The following SGF29 variants were observed in gnomAD, a reference collection of about 807,000 sequenced individuals.
SGF29 encodes SAGA-associated factor 29.
In SGF29, 15 loss-of-function variants were observed where a neutral mutation model predicts 38.1. That is an observed-to-expected ratio of 0.39 (90% confidence interval 0.26 to 0.61). The LOEUF (loss-of-function observed/expected upper bound fraction) is 0.61. Ranked by LOEUF, SGF29 falls within the 20% of genes least tolerant of loss-of-function variation. The pLI is 0.49. For synonymous variants in SGF29, 151 were observed against 160.8 expected (o/e 0.94, Z 0.46); for missense variants, 184 against 394.6 (o/e 0.47, Z 4.52).
chr16:28,554,655 C>T (rs193624), intron 1 of SGF29, among the ~76,000 whole-genome samples: 3 of 152,196 alleles, frequency 2.0e-5, no homozygotes, highest in Non-Finnish European at 2.9e-5. Context: ...CCTTCACCCT[C>T]GCTATCCTCC....
At chr16:28,579,673 G>A (rs920049227) in intron 1 of SGF29, among the ~76,000 whole-genome samples, 2 of 150,192 alleles carry the variant, frequency 1.3e-5, no homozygotes, top group African/African-American at 4.9e-5. Flanking sequence ...GCTCACGCCT[G>A]TAATCCCAGC....
intron 1 of SGF29, among the ~76,000 whole-genome samples, chr16:28,567,874 A>G (rs923696252): frequency 2.0e-5 from 3 of 152,100 alleles, no homozygotes; most frequent in Non-Finnish European, 2.9e-5. Context: ...GCCTAGGCAA[A>G]ATTAATGTAG....
intron 2 of SGF29, among the ~76,000 whole-genome samples, chr16:28,581,570 G>A (rs1383500420): frequency 6.6e-6 from 1 of 151,746 alleles, no homozygotes; most frequent in Admixed American, 6.6e-5. Context: ...GAGTCTCACT[G>A]TGTCACCTAG....
intron 2 of SGF29, 93 bp from the exon 3 acceptor site, chr16:28,584,820 C>T (rs866247985): frequency 3.4e-5 from 25 of 744,938 alleles, no homozygotes; most frequent in Middle Eastern, 3.8e-4. Context: ...AAATGAGGGC[C>T]GTATTTTGGG....
chr16:28,590,587 T>C lies in SGF29; in HGVS notation c.567-44T>C. The C allele has an allele frequency of 6.2e-7, 1 of 1,612,872 alleles. No individual in the cohort carries two copies. The highest frequency in any genetic ancestry group is 8.5e-7 in the Non-Finnish European group (1 of 1,179,826). Reference sequence around the variant, plus strand: ...CCCATCCTCACTCCCCAACAGGTACTGCGCCCCTGGCTGCATCCAGCCTTT... The same window carrying C: ...CCCATCCTCACTCCCCAACAGGTACCGCGCCCCTGGCTGCATCCAGCCTTT... On this transcript the variant is annotated intron_variant, in intron 7 of 9. Transcript: ENST00000317058. The surrounding 1 kb of genome is among the most constrained non-coding windows in gnomAD (Gnocchi z 8.2).
intron 4 of SGF29, 64 bp downstream of exon 4, chr16:28,585,784 A>G (rs2046953427): frequency 2.7e-6 from 4 of 1,470,900 alleles, no homozygotes; most frequent in Non-Finnish European, 3.8e-6. Context: ...CTGCAGGTCC[A>G]TTTGGACCAA....
At chr16:28,578,184 T>C (rs577077203) in intron 1 of SGF29, among the ~76,000 whole-genome samples, 3 of 151,744 alleles carry the variant, frequency 2.0e-5, no homozygotes, top group East Asian at 3.9e-4. Flanking sequence ...TGATCTCGTA[T>C]CCTGCAACTT....
intron 1 of SGF29, among the ~76,000 whole-genome samples, chr16:28,563,848 G>A (rs530784586): frequency 6.6e-6 from 1 of 151,598 alleles, no homozygotes; most frequent in East Asian, 1.9e-4. Flanking sequence ...AGCCTCCTGA[G>A]TAGCTGGGAC....
chr16:28,564,553 A>ATATATATATACGTATATATATATACG (rs770445898), intron 1 of SGF29, among the ~76,000 whole-genome samples: 2 of 108,728 alleles, frequency 1.8e-5, no homozygotes, highest in Non-Finnish European at 1.8e-5. Flanking sequence ...ATATATACGT[A>ATATATATATACGTATATATATATACG]TATATATATA....
chr16:28,572,871 C>T (rs912241247), intron 1 of SGF29, among the ~76,000 whole-genome samples: 13 of 152,064 alleles, frequency 8.5e-5, no homozygotes, highest in African/African-American at 3.1e-4. Context: ...TCCCTGGCTT[C>T]TCAGCATGAA....
In SGF29 at chr16:28,585,949, G is replaced by A. The variant is rs928830177; in HGVS notation, c.224+229G>A. ...AGGTGGCAAGGCGTGAGTCAACACT[G>A]CCGTTTACTGGCTCTATGACCTTGG... On this transcript the variant is annotated intron_variant, in intron 4 of 9. Transcript: ENST00000317058. Among the ~76,000 whole-genome samples, 9 of 152,360 alleles carry A rather than the reference G, an allele frequency of 5.9e-5. 1 individual carries two copies. Among genetic ancestry groups the A allele is most frequent in the South Asian group, 4.1e-4 (2 of 4,828 alleles).
chr16:28,589,961 C>T (rs934586935), intron 5 of SGF29, 135 bp from the exon 6 acceptor site: 2 of 1,275,602 alleles, frequency 1.6e-6, no homozygotes, highest in African/African-American at 3.0e-5. Flanking sequence ...GATGGGGTCA[C>T]AGTCCTGCTG....
Position 28,571,817 on chromosome 16 carries a change from T to C in SGF29, c.-15-9238T>C, listed in dbSNP as rs149632293. On this transcript the variant is annotated intron_variant, in intron 1 of 9. Transcript: ENST00000317058. ...AGGAGAGAGCTGGGGTGTGAAGTAGTGAAAATTAGAAAAGTGCCTGCTAAG... is the reference window on the plus strand; with the variant it reads ...AGGAGAGAGCTGGGGTGTGAAGTAGCGAAAATTAGAAAAGTGCCTGCTAAG... Among the ~76,000 whole-genome samples the C allele has an allele frequency of 4.4e-4, 67 of 152,136 alleles. No homozygotes were observed. The East Asian group carries it at 0.013, about 29-fold the overall frequency.
chr16:28,564,476 T>G (rs1318475082), intron 1 of SGF29, among the ~76,000 whole-genome samples: 1 of 146,876 alleles, frequency 6.8e-6, no homozygotes, highest in African/African-American at 2.5e-5. Context: ...CCTGGTGTGT[T>G]AGCGTTCTCC....
chr16:28,555,496 G>A (rs1022403252), intron 1 of SGF29, among the ~76,000 whole-genome samples: 1 of 152,098 alleles, frequency 6.6e-6, no homozygotes, highest in Non-Finnish European at 1.5e-5. Flanking sequence ...TCTAGAGGTG[G>A]AAGAAAATCC....
chr16:28,572,116 A>C (rs1183400224), intron 1 of SGF29, among the ~76,000 whole-genome samples: 1 of 151,078 alleles, frequency 6.6e-6, no homozygotes, highest in Non-Finnish European at 1.5e-5. Context: ...AGCTGGGACC[A>C]CAGGCACCCA....
intron 1 of SGF29, among the ~76,000 whole-genome samples, chr16:28,577,187 A>G (rs2046899453): frequency 6.6e-6 from 1 of 152,064 alleles, no homozygotes; most frequent in Non-Finnish European, 1.5e-5. Context: ...GAAAAAAAAA[A>G]GTGCAGACTA....
chr16:28,577,397 T>C (rs2046900591), intron 1 of SGF29, among the ~76,000 whole-genome samples: 1 of 151,978 alleles, frequency 6.6e-6, no homozygotes, highest in African/African-American at 2.4e-5. Context: ...GTCGCTGTCC[T>C]TTCTCTCCCA....
intron 1 of SGF29, among the ~76,000 whole-genome samples, chr16:28,568,740 C>T (rs2046848179): frequency 6.6e-6 from 1 of 152,076 alleles, no homozygotes; most frequent in African/African-American, 2.4e-5. Context: ...TGGTGAAACC[C>T]TGTCTGTACT....
Sources: gnomAD v4.1 joint callset for allele counts (sites outside exome capture counted in the v4.1 genomes callset) on GRCh38, gnomAD v4.1.1 for gene constraint, Gnocchi (gnomAD v3.1) non-coding constraint, MANE v1.5 for transcripts, NCBI Gene and HGNC (gene_info 2026-07-23, HGNC 2026-07-21) for gene names.